Variants in CCDC180 observed in about 807,000 individuals in gnomAD.
CCDC180 encodes coiled-coil domain containing 180, also known as coiled-coil domain-containing protein 180.
CCDC180 carries 154 observed loss-of-function variants against 209.2 expected under a neutral mutation model. The observed-to-expected ratio is 0.74, with a 90% CI of 0.65 to 0.84. The LOEUF is 0.84. Ranked by LOEUF, CCDC180 falls within the 40% of genes least tolerant of loss-of-function variation. The pLI is 0.00. For missense variants in CCDC180, 1,874 were observed against 1,997.3 expected (o/e 0.94, Z 1.18); for synonymous variants, 778 against 749.1 (o/e 1.04, Z -0.63).
chr9:97,318,757 A>G (rs575603238), intron 10 of CCDC180, among the ~76,000 whole-genome samples, 175 bp downstream of exon 10: 1 of 152,234 alleles, frequency 6.6e-6, no homozygotes, highest in Admixed American at 6.5e-5. Flanking sequence ...AAGAAAGGCC[A>G]TGGCCCATTT....
chr9:97,311,861 G>C (rs1184870149), intron 3 of CCDC180, among the ~76,000 whole-genome samples: 1 of 152,200 alleles, frequency 6.6e-6, no homozygotes, highest in East Asian at 1.9e-4. Context: ...ACCAGAGCCA[G>C]AGCAAGCTCC....
At chr9:97,337,534 G>C (rs1825945278) in intron 18 of CCDC180, among the ~76,000 whole-genome samples, 1 of 152,146 alleles carries the variant, frequency 6.6e-6, no homozygotes, top group African/African-American at 2.4e-5. Context: ...TGGTGGATAA[G>C]CTTTGTGATG....
chr9:97,358,412 G>C (rs1045617866), intron 25 of CCDC180, among the ~76,000 whole-genome samples: 3 of 152,098 alleles, frequency 2.0e-5, no homozygotes, highest in African/African-American at 7.2e-5. Flanking sequence ...GTGAGCCATC[G>C]CATTCGGCCT....
chr9:97,353,212 G>C (rs969490315), intron 22 of CCDC180, among the ~76,000 whole-genome samples: 3 of 152,082 alleles, frequency 2.0e-5, no homozygotes, highest in African/African-American at 7.2e-5. Flanking sequence ...GGCCAGGCTG[G>C]TCTTGAACTC....
At position 97,325,186 on chromosome 9, in the gene CCDC180, G is replaced by A; in HGVS notation, c.1539G>A (p.Glu513=). Residue 513 remains glutamate, a synonymous_variant, in exon 14 of 37, where the codon GAG becomes GAA. Transcript: ENST00000529487. The stretch of plus-strand genomic sequence containing the variant: ...AGCACCGGCAGAAGCACAGCCTGGA[G>A]AGCCAGGTGAGACCCACACCCGGGG... ...MEQHRQKHSL[E]SQVQEAHLDR... is the part of the protein sequence containing the mutation. 1.9e-6 allele frequency: 3 copies of A among 1,592,432 alleles called. No individual in the cohort carries two copies. Among genetic ancestry groups the A allele is most frequent in the Non-Finnish European group, 2.6e-6 (3 of 1,169,072 alleles).
intron 4 of CCDC180, among the ~76,000 whole-genome samples, chr9:97,312,787 C>T (rs1357193291): frequency 6.6e-6 from 1 of 151,806 alleles, no homozygotes; most frequent in Non-Finnish European, 1.5e-5. Flanking sequence ...AGCAAGTGGC[C>T]CAGATCCCTG....
rs143067146 is a variant in CCDC180 at position 97,363,806 on chromosome 9, C to T, written c.3903-245C>T. On this transcript the variant is annotated intron_variant, in intron 28 of 36. Coordinates refer to ENST00000529487, the MANE Select transcript of CCDC180 (RefSeq NM_020893.6). Reference sequence around the variant, plus strand: ...TGGGCCTGAGCACCTCCACCCCTTGCCCTCTCACAGCAGCTGTGGTTGGGT... The same window carrying T: ...TGGGCCTGAGCACCTCCACCCCTTGTCCTCTCACAGCAGCTGTGGTTGGGT... 1.3e-3 allele frequency: 743 copies of T among 569,108 alleles called. 7 individuals carry two copies. The highest frequency in any genetic ancestry group is 0.013 in the African/African-American group (675 of 53,058). The allele number at this position is 569,108 out of a possible 1,614,324, so 35.3% of individuals were successfully genotyped here.
intron 12 of CCDC180, 56 bp downstream of exon 12, chr9:97,322,977 C>A: frequency 7.0e-7 from 1 of 1,423,790 alleles, no homozygotes; most frequent in Non-Finnish European, 9.8e-7. Context: ...ACCTGAAGTG[C>A]CTTCCCTGGC....
chr9:97,363,097 C>T (rs781668333), intron 28 of CCDC180, among the ~76,000 whole-genome samples: 3 of 152,230 alleles, frequency 2.0e-5, no homozygotes, highest in Non-Finnish European at 4.4e-5. Flanking sequence ...AAGCATTGCC[C>T]TCCTCTCCAG....
At chr9:97,355,089 A>G (rs1360666973) in intron 24 of CCDC180, 81 bp downstream of exon 24, 14 of 893,144 alleles carry the variant, frequency 1.6e-5, no homozygotes, top group Non-Finnish European at 2.2e-5. Context: ...CTAGGAGGCC[A>G]TTGTGGTCTC....
At chr9:97,374,334 T>C (rs1827181713) in intron 34 of CCDC180, 2 of 550,132 alleles carry the variant, frequency 3.6e-6, no homozygotes, top group Middle Eastern at 4.8e-4. Flanking sequence ...CCGCTTAGAT[T>C]CCTCCATCCA....
At position 97,350,497 on chromosome 9, in the gene CCDC180, T is replaced by C; in HGVS notation, c.2944T>C (p.Leu982=). 6.5e-7 allele frequency: 1 copy of C among 1,536,458 alleles called. No individual in the cohort carries two copies. Among genetic ancestry groups the C allele is most frequent in the East Asian group, 2.4e-5 (1 of 40,924 alleles). ...GTCCCTGCGCAGCTTCCGGCAGTAC[T>C]TGGAGGAGAGTCTGGGCAAACTCCG... ...QVSLRSFRQY[L]EESLGKLRYS... is the part of the protein sequence containing the mutation. The change falls in exon 22 of 37, where the codon TTG becomes CTG. Residue 982 remains leucine, a synonymous_variant. Coordinates refer to ENST00000529487, the MANE Select transcript of CCDC180 (RefSeq NM_020893.6).
chr9:97,337,271 G>A (rs1257101819), intron 18 of CCDC180, among the ~76,000 whole-genome samples: 1 of 152,174 alleles, frequency 6.6e-6, no homozygotes, highest in African/African-American at 2.4e-5. Flanking sequence ...TCCAGTTTTT[G>A]CCCATTCAGT....
At chr9:97,335,037 A>C (rs1318009233) in intron 18 of CCDC180, among the ~76,000 whole-genome samples, 1 of 152,176 alleles carries the variant, frequency 6.6e-6, no homozygotes, top group Non-Finnish European at 1.5e-5. Context: ...CAGCTTATGT[A>C]ATATTGTATT....
At chr9:97,333,730 G>T (rs1298051617) in intron 18 of CCDC180, among the ~76,000 whole-genome samples, 2 of 151,380 alleles carry the variant, frequency 1.3e-5, no homozygotes, top group Non-Finnish European at 1.5e-5. Context: ...ATTTCTGCGG[G>T]GTCAGTGATA....
At chr9:97,375,230 C>G (rs924969317) in intron 35 of CCDC180, among the ~76,000 whole-genome samples, 3 of 152,172 alleles carry the variant, frequency 2.0e-5, no homozygotes, top group East Asian at 1.9e-4. Context: ...CCCTTCCCCC[C>G]CCAGAACCCC....
chr9:97,368,295 T>C (rs1194556676), intron 31 of CCDC180, among the ~76,000 whole-genome samples: 1 of 152,256 alleles, frequency 6.6e-6, no homozygotes, highest in Non-Finnish European at 1.5e-5. Context: ...ACCCTGGTTA[T>C]TGCCCTAGGG....
intron 28 of CCDC180, chr9:97,363,731 G>T: frequency 6.0e-6 from 3 of 502,024 alleles, no homozygotes; most frequent in Middle Eastern, 3.0e-4. Flanking sequence ...GTGGCTCAAT[G>T]TTTTTTTTTC....
rs758915273 is a variant in CCDC180 at position 97,328,052 on chromosome 9, A to AAGTGATGG, written c.1698_1705dup (p.Tyr569Ter). Reference sequence around the variant, plus strand: ...TGTTTTCACACCCTCCTGACAAAGGAAGTGATGGAGTACCCAGCGATCATG... The same window carrying AAGTGATGG: ...TGTTTTCACACCCTCCTGACAAAGGAAGTGATGGAGTGATGGAGTACCCAGCGATCATG... On this transcript the variant is annotated frameshift_variant, in exon 16 of 37. Coordinates refer to ENST00000529487, the MANE Select transcript of CCDC180 (RefSeq NM_020893.6). LOFTEE classifies it high-confidence loss of function. 1.2e-6 allele frequency: 2 copies of AAGTGATGG among 1,614,034 alleles called. No individual in the cohort carries two copies. Among genetic ancestry groups the AAGTGATGG allele is most frequent in the Non-Finnish European group, 1.7e-6 (2 of 1,179,958 alleles).
Sources: gnomAD v4.1 joint callset for allele counts (sites outside exome capture counted in the v4.1 genomes callset) on GRCh38, gnomAD v4.1.1 for gene constraint, MANE v1.5 for transcripts, NCBI Gene and HGNC (gene_info 2026-07-23, HGNC 2026-07-21) for gene names.